The following PACRG variants were observed in gnomAD, a reference collection of about 807,000 sequenced individuals.
The protein encoded by PACRG is parkin coregulated, also known as parkin coregulated gene protein.
Under a neutral mutation model 29.7 loss-of-function variants are expected in PACRG, and 29 were observed. That is an observed-to-expected ratio of 0.98 (90% CI 0.73 to 1.33). PACRG has a LOEUF of 1.33. Among genes scored for constraint, PACRG ranks in the 40% most tolerant of loss-of-function variants. The pLI is 0.00. For synonymous variants in PACRG, 116 were observed against 118.7 expected, an observed-to-expected ratio of 0.98 and a Z score of 0.15; for missense variants, 279 against 316.2, an observed-to-expected ratio of 0.88 and a Z score of 0.89.
chr6:162,877,230 A>C (rs1166410568), intron 2 of PACRG, among the ~76,000 whole-genome samples: 2 of 152,204 alleles, frequency 1.3e-5, no homozygotes, highest in African/African-American at 4.8e-5. Context: ...TGTGGCACAT[A>C]TACACTGTGG....
chr6:162,976,682 T>G, intron 2 of PACRG, among the ~76,000 whole-genome samples: 1 of 152,220 alleles, frequency 6.6e-6, no homozygotes, highest in Non-Finnish European at 1.5e-5. Context: ...ATCGTTTAAC[T>G]TCTTTTAGAG....
In PACRG at chr6:162,728,080, T is replaced by G; in HGVS notation, c.-156T>G. 1.1e-6 allele frequency: 1 copy of G among 903,066 alleles called. No homozygotes were observed. Among genetic ancestry groups the G allele is most frequent in the East Asian group, 2.4e-5 (1 of 41,252 alleles). 55.9% of individuals were successfully genotyped at this position (903,066 alleles called of 1,614,324 possible). A position where few individuals can be genotyped will look rare whatever the true frequency, so the allele number is the denominator to read the frequency against. ...GGTCCAGCTCCCTTCACCTAGGAGC[T>G]GCCAAACATCTGGATCAACCTGGGC... On this transcript the variant is annotated 5_prime_UTR_variant, in exon 1 of 5. Transcript: ENST00000366888.
chr6:163,259,002 T>C (rs2128174687), intron 4 of PACRG, among the ~76,000 whole-genome samples: 1 of 152,318 alleles, frequency 6.6e-6, no homozygotes, highest in South Asian at 2.1e-4. Flanking sequence ...AAGTTGTAGA[T>C]TGTGTCAGAT....
chr6:163,194,195 C>A (rs958085796), intron 4 of PACRG, among the ~76,000 whole-genome samples: 4 of 152,170 alleles, frequency 2.6e-5, no homozygotes, highest in African/African-American at 9.7e-5. Flanking sequence ...GGAGGTTCTG[C>A]GCCCGATTAC....
At chr6:163,059,277 A>G (rs935836886) in intron 2 of PACRG, among the ~76,000 whole-genome samples, 1 of 151,976 alleles carries the variant, frequency 6.6e-6, no homozygotes, top group Non-Finnish European at 1.5e-5. Context: ...CTCTTTTCTC[A>G]TAACTTTTGT....
intron 2 of PACRG, among the ~76,000 whole-genome samples, chr6:162,989,217 T>G (rs1383329756): frequency 6.6e-6 from 1 of 152,190 alleles, no homozygotes; most frequent in Non-Finnish European, 1.5e-5. Context: ...TACAGCTGGT[T>G]AGATACTGAT....
intron 4 of PACRG, among the ~76,000 whole-genome samples, chr6:163,295,352 A>G (rs559920077): frequency 6.6e-6 from 1 of 152,298 alleles, no homozygotes; most frequent in African/African-American, 2.4e-5. Flanking sequence ...GACCATAAGG[A>G]ATTTCTGTGT....
chr6:163,311,942 A>G (rs1160215182), intron 4 of PACRG, among the ~76,000 whole-genome samples: 2 of 151,876 alleles, frequency 1.3e-5, no homozygotes, highest in African/African-American at 4.9e-5. Flanking sequence ...CTCCATCAGG[A>G]AAATATGTCT....
intron 4 of PACRG, among the ~76,000 whole-genome samples, chr6:163,093,293 G>T (rs775313899): frequency 2.0e-5 from 3 of 152,174 alleles, no homozygotes; most frequent in Non-Finnish European, 4.4e-5. Context: ...AATTTTGGAC[G>T]TAAAACATGC....
intron 4 of PACRG, among the ~76,000 whole-genome samples, chr6:163,211,518 T>C (rs1273342262): frequency 6.6e-6 from 1 of 152,218 alleles, no homozygotes; most frequent in East Asian, 1.9e-4. Context: ...TTATTTTTCA[T>C]AACTTAGAAT....
In PACRG at chr6:163,081,632, T is replaced by C. The variant is rs539463403; in HGVS notation, c.464-7627T>C. ...TTAGCCAGCCATGGTGGTGTGTGCC[T>C]GTAGTTCCAGCTACTCAGGAGGCTG... On this transcript the variant is annotated intron_variant, in intron 3 of 4. Coordinates refer to ENST00000366888, the MANE Select transcript of PACRG (RefSeq NM_001080379.2). 2.6e-5 allele frequency among the ~76,000 whole-genome samples: 4 copies of C among 152,254 alleles called. No homozygotes were observed. The South Asian group carries it at 6.2e-4, about 24-fold the overall frequency.
At chr6:162,948,928 A>G (rs1411498968) in intron 2 of PACRG, among the ~76,000 whole-genome samples, 1 of 152,150 alleles carries the variant, frequency 6.6e-6, no homozygotes, top group African/African-American at 2.4e-5. Flanking sequence ...TATAGCCAGT[A>G]TGGAAAACAG....
intron 2 of PACRG, among the ~76,000 whole-genome samples, chr6:163,060,280 A>G (rs1810985037): frequency 1.3e-5 from 2 of 152,142 alleles, no homozygotes; most frequent in South Asian, 2.1e-4. Context: ...TTAGCAAAAC[A>G]TACCAAAAAT....
At chr6:162,955,655 T>C (rs1799965581) in intron 2 of PACRG, among the ~76,000 whole-genome samples, 1 of 152,194 alleles carries the variant, frequency 6.6e-6, no homozygotes, top group Admixed American at 6.5e-5. Flanking sequence ...AAATAGCGTA[T>C]GATTTATTGA....
At chr6:163,154,730 AC>A (rs1778242593) in intron 4 of PACRG, among the ~76,000 whole-genome samples, 1 of 152,208 alleles carries the variant, frequency 6.6e-6, no homozygotes, top group Non-Finnish European at 1.5e-5. Context: ...ACATGCTTAT[AC>A]TAAAAATCTT....
At chr6:163,280,807 C>T (rs569800747) in intron 4 of PACRG, among the ~76,000 whole-genome samples, 4 of 152,222 alleles carry the variant, frequency 2.6e-5, no homozygotes, top group Non-Finnish European at 4.4e-5. Flanking sequence ...CATCTGACCT[C>T]GTTTGGACTT....
chr6:163,168,997 A>G (rs1329808458), intron 4 of PACRG, among the ~76,000 whole-genome samples: 2 of 152,240 alleles, frequency 1.3e-5, no homozygotes, highest in African/African-American at 4.8e-5. Context: ...TTAATAACAC[A>G]TGCAGTTATT....
intron 2 of PACRG, among the ~76,000 whole-genome samples, chr6:162,823,534 CAG>C (rs1788018297): frequency 6.8e-6 from 1 of 146,852 alleles, no homozygotes; most frequent in African/African-American, 2.5e-5. Flanking sequence ...TTTTTTGAGA[CAG>C]AGTCTTGCTC....
At chr6:163,174,181 G>C (rs976200753) in intron 4 of PACRG, among the ~76,000 whole-genome samples, 1 of 152,114 alleles carries the variant, frequency 6.6e-6, no homozygotes, top group African/African-American at 2.4e-5. Flanking sequence ...GAATTGTCTT[G>C]GGCCACACAT....
Sources: allele counts gnomAD v4.1 joint callset (sites outside exome capture counted in the v4.1 genomes callset), GRCh38; gene constraint gnomAD v4.1.1; transcripts MANE v1.5; gene names NCBI Gene and HGNC (gene_info 2026-07-23, HGNC 2026-07-21).